The following SEC63 variants were observed in gnomAD, a reference collection of about 807,000 sequenced individuals.
SEC63 encodes translocation protein SEC63 homolog.
SEC63 carries 56 observed loss-of-function variants against 116.2 expected under a neutral mutation model. That is an observed-to-expected ratio of 0.48 (90% CI 0.39 to 0.60). The LOEUF (loss-of-function observed/expected upper bound fraction) is 0.60. Among genes scored for constraint, SEC63 ranks in the 20% least tolerant of loss-of-function variants. The pLI is 0.00. For missense variants in SEC63, 668 were observed against 900.0 expected, an observed-to-expected ratio of 0.74 and a Z score of 3.30; for synonymous variants, 273 against 294.6, an observed-to-expected ratio of 0.93 and a Z score of 0.75.
chr6:107,875,272 T>G (rs564084530), intron 19 of SEC63, among the ~76,000 whole-genome samples: 1 of 152,256 alleles, frequency 6.6e-6, no homozygotes, highest in Non-Finnish European at 1.5e-5. Flanking sequence ...CGTGCATGTT[T>G]TGTACATACA....
chr6:107,915,007 T>A (rs1484991950), intron 4 of SEC63, among the ~76,000 whole-genome samples: 1 of 152,198 alleles, frequency 6.6e-6, no homozygotes. Flanking sequence ...GAACATTCAA[T>A]CTAATAAAAT....
chr6:107,905,736 T>C (rs530781013), intron 10 of SEC63, among the ~76,000 whole-genome samples: 1 of 152,154 alleles, frequency 6.6e-6, no homozygotes, highest in African/African-American at 2.4e-5. Context: ...CTCCAAAAAC[T>C]TACAAAGTCC....
chr6:107,875,263 G>A (rs184322027), intron 19 of SEC63, among the ~76,000 whole-genome samples: 31 of 152,284 alleles, frequency 2.0e-4, no homozygotes, highest in East Asian at 5.8e-4. Context: ...ATACACACGC[G>A]TGCATGTTTT....
At chr6:107,909,492 A>G (rs958567730) in intron 7 of SEC63, among the ~76,000 whole-genome samples, 1 of 152,178 alleles carries the variant, frequency 6.6e-6, no homozygotes, top group Non-Finnish European at 1.5e-5. Context: ...GAGTCTTACA[A>G]CAAGGACCTC....
intron 1 of SEC63, chr6:107,954,564 T>A (rs1770670106): frequency 6.7e-6 from 1 of 150,366 alleles, no homozygotes; most frequent in African/African-American, 2.5e-5. Flanking sequence ...GGGTCTAAAG[T>A]GCACCAATAA....
chr6:107,946,950 G>A (rs1320923428), intron 1 of SEC63, among the ~76,000 whole-genome samples: 2 of 152,330 alleles, frequency 1.3e-5, no homozygotes, highest in East Asian at 3.9e-4. Flanking sequence ...GTTGCAGTGA[G>A]TTGAGATCAT....
intron 1 of SEC63, among the ~76,000 whole-genome samples, chr6:107,933,304 AATT>A (rs2114493649): frequency 6.6e-6 from 1 of 152,318 alleles, no homozygotes; most frequent in South Asian, 2.1e-4. Context: ...TGGCCTCCAG[AATT>A]ATTAAGAGAA....
At chr6:107,876,406 A>C (rs549766407) in intron 19 of SEC63, among the ~76,000 whole-genome samples, 158 bp downstream of exon 19, 4 of 152,244 alleles carry the variant, frequency 2.6e-5, no homozygotes, top group Admixed American at 2.0e-4. Flanking sequence ...ATTTCCAATG[A>C]GCTCACCCCA....
chr6:107,874,325 T>G (rs1163822025), intron 19 of SEC63, among the ~76,000 whole-genome samples: 1 of 152,152 alleles, frequency 6.6e-6, no homozygotes, highest in African/African-American at 2.4e-5. Flanking sequence ...CCGGGCACGG[T>G]GGCTCACGCC....
intron 1 of SEC63, among the ~76,000 whole-genome samples, chr6:107,939,275 G>A (rs573753293): frequency 6.6e-6 from 1 of 152,158 alleles, no homozygotes; most frequent in African/African-American, 2.4e-5. Context: ...GCATGAGACG[G>A]TGTCTCAAAG....
At position 107,902,930 on chromosome 6, in the gene SEC63, G is replaced by A; in HGVS notation, c.1123C>T (p.Gln375Ter). The change falls in exon 12 of 21, where the codon CAG becomes TAG. Residue 375 changes from glutamine (Q) to a stop codon, truncating the protein, a stop_gained. Transcript: ENST00000369002. LOFTEE classifies it high-confidence loss of function. ...GGAGACTTAAATTGCTGAAGTCCCT[G>A]AACGGCCATCTGAGAAAGCTTCATG... ...NCMKLSQMAV[Q>*]GLQQFKSPLL... The A allele has an allele frequency of 6.2e-7, 1 of 1,613,880 alleles. No individual in the cohort carries two copies. The highest frequency in any genetic ancestry group is 8.5e-7 in the Non-Finnish European group (1 of 1,179,790).
In SEC63 at chr6:107,869,393, A is replaced by C. The variant is rs1245440406; in HGVS notation, c.*2311T>G. On this transcript the variant is annotated 3_prime_UTR_variant, in exon 21 of 21. Coordinates refer to ENST00000369002, the MANE Select transcript of SEC63 (RefSeq NM_007214.5). ...AATAGGTACTTTACCAATTAGAGAA[A>C]AATATCACATAATTTAACTGTTTCA... 1.3e-5 allele frequency: 2 copies of C among 152,178 alleles called. No homozygotes were observed. Among genetic ancestry groups the C allele is most frequent in the African/African-American group, 2.4e-5 (1 of 41,434 alleles). The allele number at this position is 152,178 out of a possible 1,614,324, so 9.4% of individuals were successfully genotyped here. A position where few individuals can be genotyped will look rare whatever the true frequency, so the allele number is the denominator to read the frequency against.
intron 4 of SEC63, among the ~76,000 whole-genome samples, chr6:107,915,555 A>C (rs1419430952): frequency 6.6e-6 from 1 of 152,166 alleles, no homozygotes; most frequent in Non-Finnish European, 1.5e-5. Context: ...TACATCTGAG[A>C]GCAAAATCTC....
At chr6:107,934,368 C>A (rs1158228086) in intron 1 of SEC63, among the ~76,000 whole-genome samples, 2 of 151,552 alleles carry the variant, frequency 1.3e-5, no homozygotes, top group South Asian at 2.1e-4. Context: ...GCGTCTCTGC[C>A]CGGCCGCCCA....
intron 1 of SEC63, among the ~76,000 whole-genome samples, chr6:107,935,154 T>A (rs1252423770): frequency 7.1e-6 from 1 of 141,218 alleles, no homozygotes; most frequent in Admixed American, 6.9e-5. Context: ...AGCTGCCCCG[T>A]CCGGGAGGGA....
intron 1 of SEC63, among the ~76,000 whole-genome samples, chr6:107,951,441 AAC>A (rs1361496691): frequency 6.6e-6 from 1 of 152,190 alleles, no homozygotes; most frequent in Non-Finnish European, 1.5e-5. Flanking sequence ...CAAAAAGGCT[AAC>A]ACATTAGTTT....
intron 1 of SEC63, among the ~76,000 whole-genome samples, chr6:107,947,365 CA>C (rs562708193): frequency 2.0e-4 from 30 of 151,918 alleles, no homozygotes; most frequent in Non-Finnish European, 3.2e-4. Context: ...AAAAAAAGAA[CA>C]AAAAAACCAA....
chr6:107,955,755 G>A (rs956818059), intron 1 of SEC63, among the ~76,000 whole-genome samples: 3 of 152,104 alleles, frequency 2.0e-5, no homozygotes, highest in African/African-American at 7.2e-5. Context: ...GCCTGGTGGT[G>A]CACGCCTGTA....
intron 16 of SEC63, among the ~76,000 whole-genome samples, chr6:107,890,799 A>G (rs1042556635): frequency 6.6e-6 from 1 of 152,162 alleles, no homozygotes; most frequent in African/African-American, 2.4e-5. Flanking sequence ...CCTTGTCTGT[A>G]AAGGACTTTA....
Sources: gnomAD v4.1 joint callset for allele counts (sites outside exome capture counted in the v4.1 genomes callset) on GRCh38, gnomAD v4.1.1 for gene constraint, MANE v1.5 for transcripts, NCBI Gene and HGNC (gene_info 2026-07-23, HGNC 2026-07-21) for gene names.